Variants in MACROD1 observed in about 807,000 individuals in gnomAD.
MACROD1 encodes ADP-ribose glycohydrolase MACROD1.
In MACROD1, 31 loss-of-function variants were observed where a neutral mutation model predicts 41.4. The ratio of observed to expected loss-of-function variants is 0.75; its 90% CI spans 0.56 to 1.01. The LOEUF (loss-of-function observed/expected upper bound fraction) is 1.01. MACROD1 is among the 50% of genes least tolerant of loss of function. The pLI is 0.00. For synonymous variants in MACROD1, 252 were observed against 203.4 expected (o/e 1.24, Z -2.03); for missense variants, 473 against 460.0 (o/e 1.03, Z -0.26).
intron 3 of MACROD1, among the ~76,000 whole-genome samples, chr11:64,112,282 G>A (rs552556846): frequency 8.5e-5 from 13 of 152,310 alleles, no homozygotes; most frequent in African/African-American, 3.1e-4. Flanking sequence ...GAGAGGCCCA[G>A]GGAGGTGGAT....
chr11:64,029,199 C>G (rs1040181337), intron 3 of MACROD1, among the ~76,000 whole-genome samples: 2 of 152,166 alleles, frequency 1.3e-5, no homozygotes, highest in African/African-American at 4.8e-5. Flanking sequence ...GAGCCGGGTG[C>G]TGGGATGTGG....
rs1453865763 is a variant in MACROD1, at chr11:64,036,029, G to A, written c.518-20748C>T. ...GCCACCGTGCTCTGCCGCGCGCCGGGGGCTCCTCTCCCGGGCCCCCCTGGG... is the reference window on the plus strand; with the variant it reads ...GCCACCGTGCTCTGCCGCGCGCCGGAGGCTCCTCTCCCGGGCCCCCCTGGG... On this transcript the variant is annotated intron_variant, in intron 3 of 10. Coordinates refer to ENST00000255681, the MANE Select transcript of MACROD1 (RefSeq NM_014067.4). The surrounding 1 kb of genome is among the most constrained non-coding windows in gnomAD (Gnocchi z 5.6). 4 of 151,060 alleles carry A rather than the reference G, an allele frequency of 2.6e-5. No individual in the cohort carries two copies. The highest frequency in any genetic ancestry group is 6.6e-5 in the Admixed American group (1 of 15,188). The allele number at this position is 151,060 out of a possible 1,614,324, so 9.4% of individuals were successfully genotyped here. A position where few individuals can be genotyped will look rare whatever the true frequency, so the allele number is the denominator to read the frequency against.
Position 64,035,774 on chromosome 11 carries a change from C to CCCG in MACROD1, c.518-20496_518-20494dup, listed in dbSNP as rs545232734. The stretch of plus-strand genomic sequence containing the variant: ...CCGCTCCGCGCCTGCACGCACGGCC[C>CCCG]CCGCCGCCGCCGCCGCGAGGGGAGA... On this transcript the variant is annotated intron_variant, in intron 3 of 10. Coordinates refer to ENST00000255681, the MANE Select transcript of MACROD1 (RefSeq NM_014067.4). Among the ~76,000 whole-genome samples the CCCG allele has an allele frequency of 8.6e-3, 1,254 of 146,058 alleles. 28 individuals are homozygous for CCCG. Among genetic ancestry groups the CCCG allele is most frequent in the African/African-American group, 0.029 (1,171 of 40,284 alleles).
chr11:64,161,028 A>G (rs991725128), intron 1 of MACROD1, among the ~76,000 whole-genome samples: 14 of 151,886 alleles, frequency 9.2e-5, no homozygotes, highest in Non-Finnish European at 1.3e-4. Context: ...AAAATTAGCC[A>G]GGCGTGGTGG....
At chr11:64,042,663 C>T (rs899421409) in intron 3 of MACROD1, among the ~76,000 whole-genome samples, 6 of 152,148 alleles carry the variant, frequency 3.9e-5, no homozygotes, top group South Asian at 2.1e-4. Flanking sequence ...GGCTGTCTAC[C>T]GGTCCCAGGG....
chr11:64,028,517 T>C (rs957317535), intron 3 of MACROD1, among the ~76,000 whole-genome samples: 5 of 152,216 alleles, frequency 3.3e-5, no homozygotes, highest in African/African-American at 1.2e-4. Context: ...GAGGTCAGTG[T>C]GGCAGCCATT....
intron 3 of MACROD1, among the ~76,000 whole-genome samples, chr11:64,015,835 G>T (rs78153351): frequency 3.3e-5 from 5 of 152,156 alleles, no homozygotes; most frequent in Admixed American, 1.3e-4. Flanking sequence ...GGGCAGGGGC[G>T]GGGGCGTCCA....
intron 3 of MACROD1, among the ~76,000 whole-genome samples, chr11:64,109,542 G>A (rs1230763419): frequency 6.6e-6 from 1 of 152,090 alleles, no homozygotes; most frequent in Non-Finnish European, 1.5e-5. Context: ...GACTTCTCAG[G>A]GGTGGGAGTG....
chr11:64,118,486 A>G, intron 3 of MACROD1: 1 of 530,400 alleles, frequency 1.9e-6, no homozygotes, highest in South Asian at 6.2e-5. Flanking sequence ...TTAAAAGAAT[A>G]GAAGGCAGGA....
chr11:64,152,162 T>C (rs897415146), intron 2 of MACROD1, 130 bp downstream of exon 2: 4 of 706,824 alleles, frequency 5.7e-6, no homozygotes, highest in Non-Finnish European at 7.6e-6. Flanking sequence ...AATGAGGTGA[T>C]ACACGCGGAG....
chr11:64,003,771 G>A (rs1942864848), intron 4 of MACROD1, among the ~76,000 whole-genome samples: 1 of 152,182 alleles, frequency 6.6e-6, no homozygotes, highest in African/African-American at 2.4e-5. Context: ...GCCTCGCCCT[G>A]AACCACTCTG....
At chr11:64,118,228 G>A (rs1945031900) in intron 3 of MACROD1, 1 of 1,612,128 alleles carries the variant, frequency 6.2e-7, no homozygotes, top group Non-Finnish European at 8.5e-7. Context: ...CACACCATTG[G>A]CTACGGCACC....
At chr11:64,152,600 T>C (rs1945599152) in intron 1 of MACROD1, among the ~76,000 whole-genome samples, 1 of 152,310 alleles carries the variant, frequency 6.6e-6, no homozygotes, top group South Asian at 2.1e-4. Flanking sequence ...GGAGGGAAAC[T>C]GAGGTCTGGG....
chr11:64,081,429 G>A (rs929173212), intron 3 of MACROD1, among the ~76,000 whole-genome samples: 13 of 152,212 alleles, frequency 8.5e-5, no homozygotes, highest in African/African-American at 3.1e-4. Flanking sequence ...CCTGGGACCT[G>A]TCCCAGCTGT....
chr11:64,151,458 C>T (rs537151878), intron 2 of MACROD1, 103 bp from the exon 3 acceptor site: 10 of 778,194 alleles, frequency 1.3e-5, no homozygotes, highest in South Asian at 1.0e-4. Context: ...CCTCCCTCCA[C>T]CTCCAGGGGC....
intron 4 of MACROD1, among the ~76,000 whole-genome samples, chr11:64,002,980 C>T (rs1942851513): frequency 6.6e-6 from 1 of 152,194 alleles, no homozygotes. Flanking sequence ...CCCTCAGCCA[C>T]CAAAACAAAC....
intron 1 of MACROD1, among the ~76,000 whole-genome samples, chr11:64,163,122 AAAACAAAC>A (rs71468654): frequency 9.4e-4 from 137 of 145,380 alleles, no homozygotes; most frequent in Middle Eastern, 3.4e-3. Context: ...CTTCATCTAA[AAAACAAAC>A]AAACAAACAA....
chr11:64,015,291 A>G lies in MACROD1; in HGVS notation c.518-10T>C. ...AGCAGGGAGCTGTTGGCTGCAAGAG[A>G]GAGAGACAAAGGCAGATCAGTGGGG... On this transcript the variant is annotated splice_polypyrimidine_tract_variant and intron_variant, in intron 3 of 10. Coordinates refer to ENST00000255681, the MANE Select transcript of MACROD1 (RefSeq NM_014067.4). 2 of 1,604,788 alleles carry G rather than the reference A, an allele frequency of 1.2e-6. No individual in the cohort carries two copies. The highest frequency in any genetic ancestry group is 1.1e-5 in the South Asian group (1 of 89,300).
intron 4 of MACROD1, among the ~76,000 whole-genome samples, chr11:64,005,452 C>T (rs901638629): frequency 6.6e-6 from 1 of 152,234 alleles, no homozygotes; most frequent in African/African-American, 2.4e-5. Context: ...CCCTGGCCCC[C>T]ACCTTCCTAG....
Sources: gnomAD v4.1 joint callset for allele counts (sites outside exome capture counted in the v4.1 genomes callset) on GRCh38, gnomAD v4.1.1 for gene constraint, Gnocchi (gnomAD v3.1) non-coding constraint, MANE v1.5 for transcripts, NCBI Gene and HGNC (gene_info 2026-07-23, HGNC 2026-07-21) for gene names.